ENPEP: variants seen among roughly 807,000 people sequenced by gnomAD.
ENPEP encodes the protein AP-A.
A neutral mutation model predicts 114.5 loss-of-function variants in ENPEP; 103 were observed. The observed-to-expected ratio is 0.90, with a 90% confidence interval of 0.77 to 1.06. The LOEUF is 1.06. Ranked by LOEUF, ENPEP falls within the 50% of genes least tolerant of loss-of-function variation. The pLI, the probability that ENPEP is intolerant of heterozygous loss-of-function variation, is 0.00. For missense variants in ENPEP, 1,196 were observed against 1,161.3 expected (o/e 1.03, Z -0.43); for synonymous variants, 420 against 422.0 (o/e 1.00, Z 0.06).
chr4:110,542,961 A>T (rs1268996847), intron 12 of ENPEP, 54 bp from the exon 13 acceptor site: 1 of 1,609,354 alleles, frequency 6.2e-7, no homozygotes, highest in Non-Finnish European at 8.5e-7. Context: ...AATTTTTTTC[A>T]ACATGCTTTG....
intron 3 of ENPEP, among the ~76,000 whole-genome samples, chr4:110,498,377 G>C (rs1008470882): frequency 6.6e-6 from 1 of 151,990 alleles, no homozygotes; most frequent in African/African-American, 2.4e-5. Context: ...AGAGGTAAAT[G>C]GTGCTACTTC....
chr4:110,538,298 T>TA (rs1471360040), intron 11 of ENPEP, among the ~76,000 whole-genome samples: 1 of 152,238 alleles, frequency 6.6e-6, no homozygotes, highest in African/African-American at 2.4e-5. Context: ...TAGATCTTCT[T>TA]ATTAACTTGC....
chr4:110,558,988 T>C (rs1237196027), intron 18 of ENPEP: 1 of 151,992 alleles, frequency 6.6e-6, no homozygotes, highest in East Asian at 1.9e-4. Flanking sequence ...ATGCATAGAG[T>C]ATTAGGATAA....
chr4:110,510,424 G>A (rs1725531509), intron 6 of ENPEP, 66 bp downstream of exon 6: 4 of 1,352,678 alleles, frequency 3.0e-6, no homozygotes, highest in Non-Finnish European at 4.2e-6. Flanking sequence ...GAAGCCTTTG[G>A]ACTATGATAA....
intron 11 of ENPEP, among the ~76,000 whole-genome samples, 172 bp downstream of exon 11, chr4:110,531,449 C>A (rs1726402230): frequency 6.6e-6 from 1 of 152,066 alleles, no homozygotes; most frequent in Admixed American, 6.5e-5. Context: ...AACTGTTATA[C>A]CTTGAGATAT....
At chr4:110,499,076 C>T (rs1205661906) in intron 3 of ENPEP, among the ~76,000 whole-genome samples, 4 of 152,058 alleles carry the variant, frequency 2.6e-5, no homozygotes, top group Non-Finnish European at 5.9e-5. Context: ...AAGTCAAAAC[C>T]ATAACATTTA....
intron 10 of ENPEP, among the ~76,000 whole-genome samples, chr4:110,529,553 A>G (rs761992240): frequency 3.3e-5 from 5 of 152,186 alleles, no homozygotes; most frequent in Non-Finnish European, 1.5e-5. Context: ...GTCCTGCAGG[A>G]AAGTCCTGGA....
In ENPEP at chr4:110,482,164, G is replaced by T. The variant is rs538304062; in HGVS notation, c.644+5106G>T. Among the ~76,000 whole-genome samples, 11 of 152,252 alleles carry T rather than the reference G, an allele frequency of 7.2e-5. 1 individual carries two copies. In the South Asian group the frequency reaches 2.3e-3, roughly 32 times the overall value. The stretch of plus-strand genomic sequence containing the variant: ...CAACCATCCACTTGGATATATGAAA[G>T]ATATTGCAGCAATCCAGGAAAGAGA... On this transcript the variant is annotated intron_variant, in intron 1 of 19. Coordinates refer to ENST00000265162, the MANE Select transcript of ENPEP (RefSeq NM_001977.4).
chr4:110,549,468 G>A lies in ENPEP; in HGVS notation c.2225+49G>A, dbSNP rs369971765. 3.7e-6 allele frequency: 6 copies of A among 1,612,116 alleles called. No homozygotes were observed. In the African/African-American group the frequency reaches 8.0e-5, roughly 22 times the overall value. ...AAAATTCATTTAACATTTGTTTTTT[G>A]TTTTAAGACTTGTTGAAAAGTGCTT... On this transcript the variant is annotated intron_variant, in intron 15 of 19. Transcript: ENST00000265162.
chr4:110,492,541 G>A (rs762844216), intron 3 of ENPEP, among the ~76,000 whole-genome samples: 3 of 152,148 alleles, frequency 2.0e-5, no homozygotes, highest in Non-Finnish European at 2.9e-5. Context: ...TAGCGAGTGG[G>A]GGATGTCCAC....
At chr4:110,540,294 T>TAC (rs376994725) in intron 11 of ENPEP, among the ~76,000 whole-genome samples, 15 of 151,538 alleles carry the variant, frequency 9.9e-5, no homozygotes, top group East Asian at 3.9e-4. Flanking sequence ...ATATAGAAGA[T>TAC]ACACACACAC....
chr4:110,550,328 C>G (rs1445066857), intron 17 of ENPEP, among the ~76,000 whole-genome samples: 3 of 152,104 alleles, frequency 2.0e-5, no homozygotes, highest in Non-Finnish European at 4.4e-5. Context: ...TAATCCAGAA[C>G]TGGGTCACCC....
Position 110,542,856 on chromosome 4 carries a change from C to T in ENPEP, c.1913C>T (p.Ser638Leu), listed in dbSNP as rs753266874. 2 of 1,613,020 alleles carry T rather than the reference C, an allele frequency of 1.2e-6. No homozygotes were observed. The highest frequency in any genetic ancestry group is 1.7e-6 in the Non-Finnish European group (2 of 1,179,388). The change falls in exon 12 of 20, where the codon TCG (serine) becomes TTG (leucine). Residue 638 changes from serine (S) to leucine (L), a missense_variant. Ser to Leu is a moderately radical substitution (Grantham distance 145). Transcript: ENST00000265162. ...AATTATGAAGTAGCAACTTGGGACTCGATAGCTACAGCGCTCTCCTTGAAC... is the reference window on the plus strand; with the variant it reads ...AATTATGAAGTAGCAACTTGGGACTTGATAGCTACAGCGCTCTCCTTGAAC... ...RVNYEVATWDSIATALSLNHK... is the reference protein window; with the variant it reads ...RVNYEVATWDLIATALSLNHK...
intron 8 of ENPEP, among the ~76,000 whole-genome samples, chr4:110,518,543 A>G (rs1242162446): frequency 6.6e-6 from 1 of 152,218 alleles, no homozygotes. Context: ...GACAATATAA[A>G]ATTAGTACCT....
chr4:110,534,297 C>A (rs1412077523), intron 11 of ENPEP, among the ~76,000 whole-genome samples: 8 of 152,062 alleles, frequency 5.3e-5, no homozygotes, highest in Non-Finnish European at 1.2e-4. Flanking sequence ...CTCATAATTT[C>A]TAATGAAAGA....
chr4:110,546,730 A>G (rs1201531937), intron 13 of ENPEP, among the ~76,000 whole-genome samples: 1 of 152,088 alleles, frequency 6.6e-6, no homozygotes, highest in Non-Finnish European at 1.5e-5. Flanking sequence ...TCTATAAGCA[A>G]CTTTTCCCAT....
chr4:110,533,359 C>A lies in ENPEP; in HGVS notation c.1807+2082C>A, dbSNP rs577194261. ...TTAATCCTTAATTACTAGATTAATT[C>A]TTTCAAGCACGTATTGCTTATGTGC... is the stretch of plus-strand genomic sequence containing the variant. On this transcript the variant is annotated intron_variant, in intron 11 of 19. Coordinates refer to ENST00000265162, the MANE Select transcript of ENPEP (RefSeq NM_001977.4). 113 of 160,042 alleles carry A rather than the reference C, an allele frequency of 7.1e-4. 1 individual carries two copies. Among genetic ancestry groups the A allele is most frequent in the African/African-American group, 2.4e-3 (98 of 41,080 alleles). 9.9% of individuals were successfully genotyped at this position (160,042 alleles called of 1,614,324 possible).
intron 1 of ENPEP, among the ~76,000 whole-genome samples, chr4:110,483,089 G>A (rs1724375832): frequency 6.6e-6 from 1 of 151,954 alleles, no homozygotes; most frequent in Non-Finnish European, 1.5e-5. Context: ...TTTTATTTTG[G>A]AAGCAAGAAA....
chr4:110,514,833 T>A (rs1213644983), intron 7 of ENPEP, among the ~76,000 whole-genome samples: 1 of 152,054 alleles, frequency 6.6e-6, no homozygotes, highest in African/African-American at 2.4e-5. Context: ...ATTCTTCAGA[T>A]GAAAGGAAAG....
Sources: allele counts gnomAD v4.1 joint callset (sites outside exome capture counted in the v4.1 genomes callset), GRCh38; gene constraint gnomAD v4.1.1; transcripts MANE v1.5; gene names NCBI Gene and HGNC (gene_info 2026-07-23, HGNC 2026-07-21).